Variants in CHST12 observed in about 807,000 individuals in gnomAD.
CHST12 encodes carbohydrate (chondroitin 4) sulfotransferase 12.
CHST12 carries 23 observed loss-of-function variants against 27.9 expected under a neutral mutation model. The ratio of observed to expected loss-of-function variants is 0.82; its 90% confidence interval spans 0.59 to 1.17. The LOEUF (loss-of-function observed/expected upper bound fraction) is 1.17. CHST12 is among the 50% of genes most tolerant of loss of function. CHST12 has a pLI of 0.00. For synonymous variants in CHST12, 322 were observed against 273.0 expected (o/e 1.18, Z -1.77); for missense variants, 682 against 603.0 (o/e 1.13, Z -1.37).
intron 1 of CHST12, among the ~76,000 whole-genome samples, chr7:2,413,514 C>T (rs558548397): frequency 1.3e-5 from 2 of 152,224 alleles, no homozygotes; most frequent in South Asian, 2.1e-4. Flanking sequence ...TCCATCGCCC[C>T]GAGTTTCTGC....
intron 1 of CHST12, among the ~76,000 whole-genome samples, chr7:2,409,202 G>T (rs1213490599): frequency 6.6e-6 from 1 of 152,234 alleles, no homozygotes; most frequent in Non-Finnish European, 1.5e-5. Context: ...GGCAGAGAAG[G>T]TGTGGGGAGG....
At chr7:2,431,590 A>G (rs890378036) in intron 1 of CHST12, among the ~76,000 whole-genome samples, 6 of 152,364 alleles carry the variant, frequency 3.9e-5, no homozygotes, top group Admixed American at 6.5e-5. Context: ...CCACACTGAC[A>G]GTACCCTGGT....
At chr7:2,405,277 T>A (rs960437946) in intron 1 of CHST12, among the ~76,000 whole-genome samples, 1 of 152,078 alleles carries the variant, frequency 6.6e-6, no homozygotes, top group Non-Finnish European at 1.5e-5. Context: ...AAACCCCATC[T>A]CTACTAAAAA....
chr7:2,412,232 A>G (rs1781685561), intron 1 of CHST12, among the ~76,000 whole-genome samples: 1 of 152,232 alleles, frequency 6.6e-6, no homozygotes, highest in Non-Finnish European at 1.5e-5. Flanking sequence ...TAATTGTATA[A>G]GCAAATAAAC....
Position 2,447,878 on chromosome 7 carries a change from T to G in CHST12, c.*13994T>G, listed in dbSNP as rs1276096672. On this transcript the variant is annotated 3_prime_UTR_variant, in exon 2 of 2. Coordinates refer to ENST00000618655, the MANE Select transcript of CHST12 (RefSeq NM_018641.5). ...GAGAGCAGCCTGAATAAACACTTTT[T>G]TTGTTGTTGTTGAGGCAGAGCCTCA... 6.7e-6 allele frequency: 1 copy of G among 149,288 alleles called. No individual in the cohort carries two copies. The highest frequency in any genetic ancestry group is 1.5e-5 in the Non-Finnish European group (1 of 67,110). The allele number at this position is 149,288 out of a possible 1,614,324, so 9.2% of individuals were successfully genotyped here.
chr7:2,416,083 T>G (rs552144518), intron 1 of CHST12, among the ~76,000 whole-genome samples: 3 of 152,330 alleles, frequency 2.0e-5, no homozygotes, highest in African/African-American at 7.2e-5. Flanking sequence ...ATCATGTAAG[T>G]CTATGGAATA....
intron 1 of CHST12, among the ~76,000 whole-genome samples, chr7:2,425,485 A>G (rs1195025952): frequency 6.6e-6 from 1 of 152,186 alleles, no homozygotes; most frequent in Non-Finnish European, 1.5e-5. Flanking sequence ...CTAGAAAGAA[A>G]GAGATAGGAT....
intron 1 of CHST12, among the ~76,000 whole-genome samples, chr7:2,419,875 C>G (rs1278093947): frequency 6.6e-6 from 1 of 151,860 alleles, no homozygotes; most frequent in Non-Finnish European, 1.5e-5. Context: ...TCCCATCCCC[C>G]TCCCCTGCCC....
chr7:2,431,485 G>A (rs1424050803), intron 1 of CHST12, among the ~76,000 whole-genome samples: 2 of 152,194 alleles, frequency 1.3e-5, no homozygotes, highest in African/African-American at 4.8e-5. Flanking sequence ...ACCTGGCTGG[G>A]GGAGAGGGAG....
chr7:2,418,245 G>A (rs536305482), intron 1 of CHST12, among the ~76,000 whole-genome samples: 37 of 152,340 alleles, frequency 2.4e-4, no homozygotes, highest in South Asian at 6.2e-4. Flanking sequence ...AGCCCCACCC[G>A]GAGCTAAGAC....
chr7:2,409,179 T>A lies in CHST12; in HGVS notation c.-78+5506T>A, dbSNP rs1327222323. On this transcript the variant is annotated intron_variant, in intron 1 of 1. Coordinates refer to ENST00000618655, the MANE Select transcript of CHST12 (RefSeq NM_018641.5). The stretch of plus-strand genomic sequence containing the variant: ...CACTGACTGCTGCTCTAATTGAAAT[T>A]ATGATGCACCTGGGCAGAGAAGGTG... 2.6e-5 allele frequency among the ~76,000 whole-genome samples: 4 copies of A among 152,286 alleles called. No individual in the cohort carries two copies. The South Asian group carries it at 8.3e-4, about 32-fold the overall frequency.
At chr7:2,419,129 C>G (rs375121489) in intron 1 of CHST12, among the ~76,000 whole-genome samples, 120 of 152,314 alleles carry the variant, frequency 7.9e-4, no homozygotes, top group African/African-American at 2.6e-3. Context: ...TAAAACTTGG[C>G]TGGGCGTGGT....
At chr7:2,407,608 T>TTTCATAGCCTC (rs1465671654) in intron 1 of CHST12, among the ~76,000 whole-genome samples, 1 of 152,136 alleles carries the variant, frequency 6.6e-6, no homozygotes, top group Non-Finnish European at 1.5e-5. Context: ...TATCCTTCAC[T>TTTCATAGCCTC]TTCATAGCCT....
chr7:2,421,253 A>AT (rs796101317), intron 1 of CHST12, among the ~76,000 whole-genome samples: 1,565 of 48,800 alleles, frequency 0.032, 33 homozygotes, highest in African/African-American at 0.091. Context: ...TTTTTTTTAC[A>AT]TTTTTTTTGT....
rs979262388 is a variant in CHST12, at chr7:2,434,919, T to C, written c.*1035T>C. 1.3e-5 allele frequency: 2 copies of C among 149,572 alleles called. No homozygotes were observed. Among genetic ancestry groups the C allele is most frequent in the Non-Finnish European group, 3.0e-5 (2 of 67,534 alleles). 9.3% of individuals were successfully genotyped at this position (149,572 alleles called of 1,614,324 possible). A position where few individuals can be genotyped will look rare whatever the true frequency, so the allele number is the denominator to read the frequency against. On this transcript the variant is annotated 3_prime_UTR_variant, in exon 2 of 2. Transcript: ENST00000618655. ...CTTGGGCAACATAGCAAGGACCTCATCTCTACAAAAAATAAAAAGGACGTG... is the reference window on the plus strand; with the variant it reads ...CTTGGGCAACATAGCAAGGACCTCACCTCTACAAAAAATAAAAAGGACGTG...
At chr7:2,420,335 G>C (rs568417443) in intron 1 of CHST12, among the ~76,000 whole-genome samples, 2 of 152,284 alleles carry the variant, frequency 1.3e-5, no homozygotes, top group East Asian at 3.9e-4. Context: ...GTTCATCCAT[G>C]TTGTAGCATG....
At chr7:2,416,569 G>T (rs1033551634) in intron 1 of CHST12, among the ~76,000 whole-genome samples, 1 of 152,222 alleles carries the variant, frequency 6.6e-6, no homozygotes, top group Non-Finnish European at 1.5e-5. Flanking sequence ...TCCATGGGCT[G>T]CAGAATGGAT....
Position 2,445,922 on chromosome 7 carries a change from A to C in CHST12, c.*12038A>C, listed in dbSNP as rs1257048599. On this transcript the variant is annotated 3_prime_UTR_variant, in exon 2 of 2. Transcript: ENST00000618655. ...CTTTGAAGTCATGGGCTGAGCCAGA[A>C]GGAATTGTCATGATGTCAGTCTCAT... is the stretch of plus-strand genomic sequence containing the variant. The C allele has an allele frequency of 6.6e-6, 1 of 152,266 alleles. No individual in the cohort carries two copies. The highest frequency in any genetic ancestry group is 2.4e-5 in the African/African-American group (1 of 41,466). 9.4% of individuals were successfully genotyped at this position (152,266 alleles called of 1,614,324 possible). A position where few individuals can be genotyped will look rare whatever the true frequency, so the allele number is the denominator to read the frequency against.
intron 1 of CHST12, among the ~76,000 whole-genome samples, chr7:2,421,227 CTTTTTTTTTTTT>C (rs60332594): frequency 4.3e-5 from 4 of 92,010 alleles, no homozygotes; most frequent in Non-Finnish European, 6.1e-5. Flanking sequence ...CCTGCTAATT[CTTTTTTTTTTTT>C]TTTTTTTTTT....
Sources: gnomAD v4.1 joint callset for allele counts (sites outside exome capture counted in the v4.1 genomes callset) on GRCh38, gnomAD v4.1.1 for gene constraint, MANE v1.5 for transcripts, NCBI Gene and HGNC (gene_info 2026-07-23, HGNC 2026-07-21) for gene names.